Variants in SYT16 observed in about 807,000 individuals in gnomAD.
The protein encoded by SYT16 is synaptotagmin 16.
In SYT16, 42 loss-of-function variants were observed where a neutral mutation model predicts 61.4. That is an observed-to-expected ratio of 0.68 (90% CI 0.53 to 0.89). The LOEUF (loss-of-function observed/expected upper bound fraction) is 0.89, where lower values mean the gene tolerates loss of function less well. SYT16 is among the 40% of genes least tolerant of loss of function. The pLI is 0.00. For synonymous variants in SYT16, 314 were observed against 302.3 expected (o/e 1.04, Z -0.40); for missense variants, 804 against 807.3 (o/e 1.00, Z 0.05).
rs752624336 is a variant in SYT16, at chr14:62,081,118, A to G, written c.1278A>G (p.Arg426=). The G allele has an allele frequency of 1.2e-6, 2 of 1,613,814 alleles. No homozygotes were observed. Among genetic ancestry groups the G allele is most frequent in the Non-Finnish European group, 8.5e-7 (1 of 1,179,892 alleles). The change falls in exon 6 of 8, where the codon AGA becomes AGG. Residue 426 remains arginine, a synonymous_variant. Transcript: ENST00000683842. ...EKVTFAKLEP[R]DVAACAVRFR... Reference sequence around the variant, plus strand: ...TCACCTTTGCCAAGCTGGAGCCCAGAGATGTGGCTGCCTGTGCTGTCCGCT... The same window carrying G: ...TCACCTTTGCCAAGCTGGAGCCCAGGGATGTGGCTGCCTGTGCTGTCCGCT...
At chr14:61,852,150 C>T (rs922252200) in intron 1 of SYT16, among the ~76,000 whole-genome samples, 2 of 152,102 alleles carry the variant, frequency 1.3e-5, no homozygotes, top group Admixed American at 1.3e-4. Context: ...AGCCAGTTTT[C>T]CCAGCACCAT....
chr14:61,992,293 T>C (rs1234795214), intron 2 of SYT16, among the ~76,000 whole-genome samples: 1 of 152,070 alleles, frequency 6.6e-6, no homozygotes, highest in Non-Finnish European at 1.5e-5. Flanking sequence ...CACAGTCACT[T>C]TGGAAAATGC....
At chr14:61,827,941 C>T (rs1278098367) in intron 1 of SYT16, among the ~76,000 whole-genome samples, 1 of 152,178 alleles carries the variant, frequency 6.6e-6, no homozygotes, top group Admixed American at 6.5e-5. Context: ...ATCCTCAGGA[C>T]TTCAGAATGT....
intron 1 of SYT16, among the ~76,000 whole-genome samples, chr14:61,856,772 G>C (rs1056841667): frequency 6.6e-6 from 1 of 152,298 alleles, no homozygotes; most frequent in South Asian, 2.1e-4. Context: ...TTTGGGAGAT[G>C]TTAAACACCA....
intron 1 of SYT16, among the ~76,000 whole-genome samples, chr14:61,841,667 G>A (rs1365903798): frequency 6.6e-6 from 1 of 152,130 alleles, no homozygotes; most frequent in Non-Finnish European, 1.5e-5. Flanking sequence ...CCTTCCCTCT[G>A]TGGAGTCCCC....
In SYT16 at chr14:61,948,406, A is replaced by G. The variant is rs550858264; in HGVS notation, c.-324-21726A>G. Among the ~76,000 whole-genome samples the G allele has an allele frequency of 5.3e-5, 8 of 151,986 alleles. 1 individual carries two copies. In the South Asian group the frequency reaches 1.7e-3, roughly 32 times the overall value. ...AGGTGAAAACTTGGGCTAGGCTTTT[A>G]AAAAACTAAAAAAAAAAAAAAATTC... On this transcript the variant is annotated intron_variant, in intron 1 of 7. Coordinates refer to ENST00000683842, the MANE Select transcript of SYT16 (RefSeq NM_001367656.1).
intron 3 of SYT16, among the ~76,000 whole-genome samples, chr14:62,031,241 T>G (rs1389673865): frequency 6.6e-6 from 1 of 152,192 alleles, no homozygotes; most frequent in Non-Finnish European, 1.5e-5. Flanking sequence ...TTAAAACTGA[T>G]TCCTATTTGG....
chr14:61,912,590 T>G (rs1379765160), intron 1 of SYT16, among the ~76,000 whole-genome samples: 4 of 152,224 alleles, frequency 2.6e-5, no homozygotes, highest in African/African-American at 9.6e-5. Context: ...TAACCTGATT[T>G]ATTGTGTTGA....
intron 1 of SYT16, chr14:61,864,993 GCA>G (rs2047096609): frequency 2.9e-6 from 4 of 1,398,406 alleles, no homozygotes. Flanking sequence ...TCTTACAGTG[GCA>G]GCCTGTTGCT....
chr14:61,966,029 G>T lies in SYT16; in HGVS notation c.-324-4103G>T, dbSNP rs149246110. Among the ~76,000 whole-genome samples, 305 of 151,404 alleles carry T rather than the reference G, an allele frequency of 2.0e-3. 2 individuals are homozygous for T. The highest frequency in any genetic ancestry group is 6.9e-3 in the African/African-American group (287 of 41,478). On this transcript the variant is annotated intron_variant, in intron 1 of 7. Transcript: ENST00000683842. The stretch of plus-strand genomic sequence containing the variant: ...TCACACTTATTTATGGAGCATTAAG[G>T]CTAAAAGGTAATGGAGCAATGTCTG...
intron 1 of SYT16, among the ~76,000 whole-genome samples, chr14:61,837,813 C>T (rs1045509582): frequency 1.3e-5 from 2 of 152,228 alleles, no homozygotes; most frequent in African/African-American, 4.8e-5. Context: ...GGGAACTGTA[C>T]TTCCTCAGAT....
intron 1 of SYT16, among the ~76,000 whole-genome samples, chr14:61,937,307 C>T (rs1028653908): frequency 2.6e-5 from 4 of 152,178 alleles, no homozygotes. Flanking sequence ...CCTTGTTTAA[C>T]AGAGTTAATT....
intron 1 of SYT16, among the ~76,000 whole-genome samples, chr14:61,899,331 A>G (rs761292354): frequency 1.3e-4 from 20 of 152,318 alleles, no homozygotes; most frequent in South Asian, 8.3e-4. Context: ...GCTGAAATCT[A>G]CTTTGCCCAT....
At chr14:61,921,967 C>T (rs1032282851) in intron 1 of SYT16, among the ~76,000 whole-genome samples, 1 of 152,176 alleles carries the variant, frequency 6.6e-6, no homozygotes, top group African/African-American at 2.4e-5. Flanking sequence ...GAGCTTTTTC[C>T]CTGGCTTTAA....
intron 1 of SYT16, among the ~76,000 whole-genome samples, chr14:61,894,238 T>C (rs549920631): frequency 3.3e-5 from 5 of 151,196 alleles, no homozygotes; most frequent in Admixed American, 1.3e-4. Context: ...TGAGCAGAGA[T>C]TGCGCCATTG....
At chr14:62,004,601 G>T (rs572010159) in intron 3 of SYT16, among the ~76,000 whole-genome samples, 1 of 152,140 alleles carries the variant, frequency 6.6e-6, no homozygotes, top group Non-Finnish European at 1.5e-5. Context: ...ATAGTAGCTT[G>T]TAAGAAGGAA....
At chr14:62,099,651 A>T (rs2057367586) in intron 7 of SYT16, among the ~76,000 whole-genome samples, 1 of 152,086 alleles carries the variant, frequency 6.6e-6, no homozygotes, top group Admixed American at 6.5e-5. Flanking sequence ...AAACTATGGG[A>T]GTGGATGAGA....
intron 1 of SYT16, among the ~76,000 whole-genome samples, chr14:61,913,704 TTGTG>T (rs56758661): frequency 5.5e-5 from 8 of 145,758 alleles, no homozygotes; most frequent in African/African-American, 7.7e-5. Flanking sequence ...CTTTGGGTCT[TTGTG>T]TGTGTGTGTG....
At chr14:61,878,085 G>A (rs1171630624) in intron 1 of SYT16, among the ~76,000 whole-genome samples, 1 of 152,122 alleles carries the variant, frequency 6.6e-6, no homozygotes, top group East Asian at 1.9e-4. Flanking sequence ...GGGATCCCAG[G>A]AAAATCAGAT....
Sources: gnomAD v4.1 joint callset for allele counts (sites outside exome capture counted in the v4.1 genomes callset) on GRCh38, gnomAD v4.1.1 for gene constraint, MANE v1.5 for transcripts, NCBI Gene and HGNC (gene_info 2026-07-23, HGNC 2026-07-21) for gene names.